The following FAM240A variants were observed in gnomAD, a reference collection of about 807,000 sequenced individuals.
FAM240A encodes the protein family with sequence similarity 240 member A.
Under a neutral mutation model 7.3 loss-of-function variants are expected in FAM240A, and 8 were observed. That is an observed-to-expected ratio of 1.09 (90% confidence interval 0.64 to 1.97). FAM240A has a LOEUF of 1.97. Among genes scored for constraint, FAM240A ranks in the 30% most tolerant of loss-of-function variants. The probability of loss-of-function intolerance (pLI) is 0.00; values close to 1 mark genes in which losing one functional copy is unlikely to be tolerated. For missense variants in FAM240A, 90 were observed against 102.2 expected (o/e 0.88, Z 0.52); for synonymous variants, 32 against 35.9 (o/e 0.89, Z 0.38).
intron 2 of FAM240A, 51 bp downstream of exon 2, chr3:46,617,379 A>G: frequency 6.9e-7 from 1 of 1,457,568 alleles, no homozygotes. Context: ...TTTAAAATAC[A>G]TCGTATAATT....
In FAM240A at chr3:46,617,246, C is replaced by G. The variant is rs573860436; in HGVS notation, c.79C>G (p.His27Asp). ...CCGGAACACCTGCCATGATCTCAAG[C>G]ATTTCTGGGAAAGGGAAATTGGCAA... is the stretch of plus-strand genomic sequence containing the variant. ...FCRNTCHDLK[H>D]FWEREIGKQT... The change falls in exon 2 of 3, where the codon CAT (histidine) becomes GAT (aspartate). Residue 27 changes from histidine to aspartate, a missense_variant. His to Asp is a moderately conservative substitution (Grantham distance 81). Coordinates refer to ENST00000640551, the MANE Select transcript of FAM240A (RefSeq NM_001195442.2). The G allele has an allele frequency of 2.3e-5, 35 of 1,535,156 alleles. No individual in the cohort carries two copies. Among genetic ancestry groups the G allele is most frequent in the Non-Finnish European group, 3.0e-5 (34 of 1,146,468 alleles).
chr3:46,615,553 A>G lies in FAM240A; in HGVS notation c.16-1630A>G, dbSNP rs116143467. Among the ~76,000 whole-genome samples the G allele has an allele frequency of 7.6e-3, 1,152 of 152,210 alleles. 20 individuals carry two copies. Among genetic ancestry groups the G allele is most frequent in the East Asian group, 0.047 (244 of 5,176 alleles). On this transcript the variant is annotated intron_variant, in intron 1 of 2. Transcript: ENST00000640551. ...CACCTCTTCAGTCTCTGCCCCCAGA[A>G]CATCTGGCAAAATGCCTGTCTGGAC...
At position 46,617,845 on chromosome 3, in the gene FAM240A, C is replaced by T. The variant is rs191969342; in HGVS notation, c.161+517C>T. On this transcript the variant is annotated intron_variant, in intron 2 of 2. Coordinates refer to ENST00000640551, the MANE Select transcript of FAM240A (RefSeq NM_001195442.2). The stretch of plus-strand genomic sequence containing the variant: ...CCTGCGTGGTTCCTGGAGGGGAAGG[C>T]GGGGTCTCCCCTTGTGTGCATCCCT... Among the ~76,000 whole-genome samples, 8 of 152,294 alleles carry T rather than the reference C, an allele frequency of 5.3e-5. No individual in the cohort carries two copies. In the East Asian group the frequency reaches 1.2e-3, roughly 22 times the overall value.
At chr3:46,623,632 G>A (rs1175170327) in intron 2 of FAM240A, among the ~76,000 whole-genome samples, 2 of 152,098 alleles carry the variant, frequency 1.3e-5, no homozygotes, top group African/African-American at 4.8e-5. Flanking sequence ...ATTGCAAAAT[G>A]ACCCTCTTTC....
At chr3:46,618,700 C>A (rs890270029) in intron 2 of FAM240A, among the ~76,000 whole-genome samples, 7 of 151,656 alleles carry the variant, frequency 4.6e-5, no homozygotes, top group African/African-American at 1.7e-4. Context: ...ATTAGCTAGG[C>A]GTGGTGGTGC....
intron 2 of FAM240A, among the ~76,000 whole-genome samples, chr3:46,618,853 AG>A (rs1193729357): frequency 3.2e-4 from 29 of 91,162 alleles, no homozygotes; most frequent in Non-Finnish European, 2.1e-4. Flanking sequence ...AAAGAAAAAA[AG>A]ATATATATAT....
At position 46,625,926 on chromosome 3, in the gene FAM240A, T is replaced by A. The variant is rs569391039; in HGVS notation, c.*708T>A. 4 of 152,348 alleles carry A rather than the reference T, an allele frequency of 2.6e-5. No individual in the cohort carries two copies. The highest frequency in any genetic ancestry group is 9.6e-5 in the African/African-American group (4 of 41,576). The allele number at this position is 152,348 out of a possible 1,614,324, so 9.4% of individuals were successfully genotyped here. A position where few individuals can be genotyped will look rare whatever the true frequency, so the allele number is the denominator to read the frequency against. On this transcript the variant is annotated 3_prime_UTR_variant, in exon 3 of 3. Coordinates refer to ENST00000640551, the MANE Select transcript of FAM240A (RefSeq NM_001195442.2). ...TCTCTGTCAGCCCAGCCAAAGCATA[T>A]CTGGCCATTCCACAGAGTGTTTACC... is the stretch of plus-strand genomic sequence containing the variant.
At chr3:46,618,644 C>G (rs946838818) in intron 2 of FAM240A, among the ~76,000 whole-genome samples, 1 of 151,934 alleles carries the variant, frequency 6.6e-6, no homozygotes, top group Non-Finnish European at 1.5e-5. Context: ...AGTTTGAGAC[C>G]AGCCCGACCA....
chr3:46,616,382 T>C (rs1408892904), intron 1 of FAM240A, among the ~76,000 whole-genome samples: 2 of 152,196 alleles, frequency 1.3e-5, no homozygotes, highest in Non-Finnish European at 2.9e-5. Flanking sequence ...AAGTGGGTTT[T>C]GGTTACATGG....
At chr3:46,619,128 C>T (rs1055471914) in intron 2 of FAM240A, among the ~76,000 whole-genome samples, 1 of 152,076 alleles carries the variant, frequency 6.6e-6, no homozygotes, top group East Asian at 1.9e-4. Flanking sequence ...CTCTTCTGCA[C>T]TCCCATTTAA....
At chr3:46,618,609 G>T (rs918958240) in intron 2 of FAM240A, among the ~76,000 whole-genome samples, 1 of 152,118 alleles carries the variant, frequency 6.6e-6, no homozygotes, top group Admixed American at 6.6e-5. Context: ...GGGAGGCTGA[G>T]GTGGGCGGAT....
At chr3:46,615,890 G>C (rs1019503674) in intron 1 of FAM240A, among the ~76,000 whole-genome samples, 1 of 151,884 alleles carries the variant, frequency 6.6e-6, no homozygotes, top group African/African-American at 2.4e-5. Flanking sequence ...CTTGCTCTGG[G>C]GTGTCAGGCA....
chr3:46,622,393 ACC>A (rs1697708153), intron 2 of FAM240A, among the ~76,000 whole-genome samples: 2 of 152,166 alleles, frequency 1.3e-5, no homozygotes, highest in East Asian at 1.9e-4. Flanking sequence ...GGTGTGAGCC[ACC>A]GCGCCCGGCT....
intron 2 of FAM240A, among the ~76,000 whole-genome samples, chr3:46,620,721 C>T (rs1197813027): frequency 1.3e-5 from 2 of 152,066 alleles, no homozygotes; most frequent in Admixed American, 1.3e-4. Flanking sequence ...TTAAAGAAAT[C>T]CTAAAAGATA....
intron 2 of FAM240A, among the ~76,000 whole-genome samples, chr3:46,619,900 T>A (rs1244353966): frequency 1.3e-5 from 2 of 152,168 alleles, no homozygotes; most frequent in African/African-American, 4.8e-5. Context: ...TTTTTATATA[T>A]TGCTCGTGTA....
intron 2 of FAM240A, among the ~76,000 whole-genome samples, chr3:46,619,398 G>A (rs1697670824): frequency 6.6e-6 from 1 of 152,134 alleles, no homozygotes; most frequent in Non-Finnish European, 1.5e-5. Flanking sequence ...AGAAGTAAGA[G>A]GGATGCTGGA....
chr3:46,615,033 G>A (rs528884438), intron 1 of FAM240A, among the ~76,000 whole-genome samples: 56 of 152,202 alleles, frequency 3.7e-4, no homozygotes, highest in Non-Finnish European at 4.6e-4. Flanking sequence ...GGTCAAAATC[G>A]GTCTTCAGAG....
intron 2 of FAM240A, among the ~76,000 whole-genome samples, chr3:46,618,867 G>T (rs9877078): frequency 7.2e-6 from 1 of 138,568 alleles, no homozygotes. Flanking sequence ...ATATATATAT[G>T]TATATATATA....
rs1697744245 is a variant in FAM240A, at chr3:46,625,323, C to T, written c.*105C>T. On this transcript the variant is annotated 3_prime_UTR_variant, in exon 3 of 3. Transcript: ENST00000640551. ...CCTTTGCTATACCAATCAGCTCTCA[C>T]ACTATTGTTTCCCCACCTGGGAGAG... 9 of 750,138 alleles carry T rather than the reference C, an allele frequency of 1.2e-5. No individual in the cohort carries two copies. In the South Asian group the frequency reaches 1.3e-4, roughly 11 times the overall value. 46.5% of individuals were successfully genotyped at this position (750,138 alleles called of 1,614,324 possible). A position where few individuals can be genotyped will look rare whatever the true frequency, so the allele number is the denominator to read the frequency against.
Sources: gnomAD v4.1 joint callset for allele counts (sites outside exome capture counted in the v4.1 genomes callset) on GRCh38, gnomAD v4.1.1 for gene constraint, MANE v1.5 for transcripts, NCBI Gene and HGNC (gene_info 2026-07-23, HGNC 2026-07-21) for gene names.